The following SAMD5 variants were observed in gnomAD, a reference collection of about 807,000 sequenced individuals.
The protein encoded by SAMD5 is sterile alpha motif domain-containing protein 5.
SAMD5 carries 13 observed loss-of-function variants against 11.3 expected under a neutral mutation model. The observed-to-expected ratio is 1.15, with a 90% CI of 0.75 to 1.83. SAMD5 has a LOEUF of 1.83. Ranked by LOEUF, SAMD5 falls within the 40% of genes most tolerant of loss-of-function variation. The pLI is 0.00. For missense variants in SAMD5, 255 were observed against 239.1 expected (o/e 1.07, Z -0.44); for synonymous variants, 129 against 111.3 (o/e 1.16, Z -1.00).
chr6:147,750,744 T>G, the SAMD5 span, among the ~76,000 whole-genome samples: 1 of 152,180 alleles, frequency 6.6e-6, no homozygotes, highest in Non-Finnish European at 1.5e-5. Context: ...GCCAACCTGG[T>G]GAAACCCCAT....
the SAMD5 span, among the ~76,000 whole-genome samples, chr6:147,799,209 G>A: frequency 4.6e-5 from 7 of 152,222 alleles, no homozygotes; most frequent in East Asian, 1.4e-3. Flanking sequence ...GCTGGTACCA[G>A]TTGTTCCTTT....
chr6:147,509,342 C>G lies in SAMD5; in HGVS notation c.414C>G (p.Leu138=), dbSNP rs1199841910. 5.7e-6 allele frequency: 9 copies of G among 1,579,742 alleles called. No individual in the cohort carries two copies. Among genetic ancestry groups the G allele is most frequent in the South Asian group, 1.2e-5 (1 of 86,122 alleles). The part of the protein sequence containing the change: ...LKLKIMIRDK[L]VRDGIHLSKP... ...TGAAGATCATGATCAGGGATAAGCT[C>G]GTCCGTGACGGCATCCACCTGAGCA... The change falls in exon 1 of 2, where the codon CTC becomes CTG. Residue 138 remains leucine, a synonymous_variant. Transcript: ENST00000367474.
intron 1 of SAMD5, among the ~76,000 whole-genome samples, chr6:147,700,158 G>A (rs1225601120): frequency 6.6e-6 from 1 of 152,066 alleles, no homozygotes; most frequent in Non-Finnish European, 1.5e-5. Flanking sequence ...CCTCTCTTTA[G>A]TTTGTATTAT....
chr6:147,563,160 T>G (rs1228249792), intron 1 of SAMD5, among the ~76,000 whole-genome samples: 1 of 150,556 alleles, frequency 6.6e-6, no homozygotes, highest in East Asian at 1.9e-4. Context: ...TCTATTTAGA[T>G]GTGATTGCCT....
At chr6:147,556,925 T>A (rs993698076) in intron 1 of SAMD5, among the ~76,000 whole-genome samples, 1 of 152,156 alleles carries the variant, frequency 6.6e-6, no homozygotes, top group African/African-American at 2.4e-5. Context: ...TCACAAATAT[T>A]CAAGTAAATA....
intron 1 of SAMD5, among the ~76,000 whole-genome samples, chr6:147,732,529 T>C (rs1258217549): frequency 6.6e-6 from 1 of 152,202 alleles, no homozygotes; most frequent in African/African-American, 2.4e-5. Flanking sequence ...ACAAGAATTA[T>C]GTCAAGGTGA....
At chr6:147,716,986 C>T (rs1791478104) in intron 1 of SAMD5, among the ~76,000 whole-genome samples, 1 of 152,196 alleles carries the variant, frequency 6.6e-6, no homozygotes, top group South Asian at 2.1e-4. Flanking sequence ...GCCTATTCTC[C>T]ATACATCTCT....
the SAMD5 span, among the ~76,000 whole-genome samples, chr6:147,841,210 G>A: frequency 9.9e-5 from 15 of 152,118 alleles, no homozygotes. Context: ...ATCATCCAGA[G>A]GAGCATTTCT....
At chr6:147,691,381 C>T (rs796519608) in intron 1 of SAMD5, among the ~76,000 whole-genome samples, 1 of 152,226 alleles carries the variant, frequency 6.6e-6, no homozygotes, top group South Asian at 2.1e-4. Flanking sequence ...TGATTGTATT[C>T]AGTCATTAAT....
chr6:147,746,444 G>C, the SAMD5 span, among the ~76,000 whole-genome samples: 4 of 152,170 alleles, frequency 2.6e-5, no homozygotes, highest in African/African-American at 7.2e-5. Context: ...TAAGGCCTTA[G>C]TGGTTCAAGT....
chr6:147,946,267 G>A, the SAMD5 span, among the ~76,000 whole-genome samples: 2 of 152,184 alleles, frequency 1.3e-5, no homozygotes, highest in Non-Finnish European at 2.9e-5. Context: ...CCATCTTGAT[G>A]TGTGGGTAGG....
chr6:147,663,547 C>T (rs754974967), intron 1 of SAMD5, among the ~76,000 whole-genome samples: 27 of 151,474 alleles, frequency 1.8e-4, no homozygotes, highest in Non-Finnish European at 3.7e-4. Context: ...TTTGGGAGGC[C>T]GAGGAGGTGG....
chr6:147,736,655 G>A (rs1791808795), intron 1 of SAMD5, among the ~76,000 whole-genome samples: 1 of 152,102 alleles, frequency 6.6e-6, no homozygotes, highest in Non-Finnish European at 1.5e-5. Context: ...TTGGGCATTG[G>A]GGATGATAGT....
At chr6:147,936,205 C>T in the SAMD5 span, among the ~76,000 whole-genome samples, 2 of 152,154 alleles carry the variant, frequency 1.3e-5, no homozygotes. Flanking sequence ...TGTTAATCTC[C>T]CTGGTCTGAC....
the SAMD5 span, among the ~76,000 whole-genome samples, chr6:147,753,262 T>C: frequency 6.6e-6 from 1 of 152,196 alleles, no homozygotes; most frequent in Non-Finnish European, 1.5e-5. Flanking sequence ...TAGAGGAATT[T>C]GTTGGACTTT....
chr6:147,901,271 A>G, the SAMD5 span, among the ~76,000 whole-genome samples: 119 of 152,388 alleles, frequency 7.8e-4, no homozygotes, highest in East Asian at 0.017. Context: ...TTATACATCC[A>G]TACATATCTA....
the SAMD5 span, among the ~76,000 whole-genome samples, chr6:147,820,060 G>T: frequency 2.0e-5 from 3 of 152,116 alleles, no homozygotes; most frequent in Non-Finnish European, 2.9e-5. Flanking sequence ...CGGGTGTGGG[G>T]GATTAAGGTG....
At chr6:147,693,069 C>A (rs1046597908) in intron 1 of SAMD5, among the ~76,000 whole-genome samples, 1 of 152,210 alleles carries the variant, frequency 6.6e-6, no homozygotes, top group Non-Finnish European at 1.5e-5. Flanking sequence ...TTAAAATCAG[C>A]CTGAGTGTGC....
intron 1 of SAMD5, among the ~76,000 whole-genome samples, chr6:147,708,396 A>G (rs187582443): frequency 2.6e-4 from 39 of 152,276 alleles, no homozygotes; most frequent in Non-Finnish European, 4.6e-4. Context: ...TCCTTTCACT[A>G]TGAGAAATCT....
Sources: allele counts gnomAD v4.1 joint callset (sites outside exome capture counted in the v4.1 genomes callset), GRCh38; gene constraint gnomAD v4.1.1; transcripts MANE v1.5; gene names NCBI Gene and HGNC (gene_info 2026-07-23, HGNC 2026-07-21).